The following CADPS2 variants were observed in gnomAD, a reference collection of about 807,000 sequenced individuals.
CADPS2 encodes calcium-dependent secretion activator 2.
In CADPS2, 93 loss-of-function variants were observed where a neutral mutation model predicts 172.5. That is an observed-to-expected ratio of 0.54 (90% CI 0.46 to 0.64). CADPS2 has a LOEUF of 0.64. Ranked by LOEUF, CADPS2 falls within the 30% of genes least tolerant of loss-of-function variation. The probability of loss-of-function intolerance (pLI) is 0.00; values close to 1 mark genes in which losing one functional copy is unlikely to be tolerated. For missense variants in CADPS2, 1,420 were observed against 1,565.9 expected (o/e 0.91, Z 1.57); for synonymous variants, 546 against 555.2 (o/e 0.98, Z 0.23).
At chr7:122,754,356 G>A (rs908050404) in intron 1 of CADPS2, among the ~76,000 whole-genome samples, 10 of 152,064 alleles carry the variant, frequency 6.6e-5, no homozygotes, top group African/African-American at 2.4e-4. Flanking sequence ...TGATAAATAA[G>A]TTAGAAAAAT....
At chr7:122,871,649 C>T (rs961960164) in intron 1 of CADPS2, among the ~76,000 whole-genome samples, 1 of 152,028 alleles carries the variant, frequency 6.6e-6, no homozygotes, top group Admixed American at 6.6e-5. Context: ...GAAATAGAAC[C>T]TAAAATGAGT....
At chr7:122,873,713 A>G (rs887636171) in intron 1 of CADPS2, among the ~76,000 whole-genome samples, 1 of 152,148 alleles carries the variant, frequency 6.6e-6, no homozygotes, top group African/African-American at 2.4e-5. Context: ...GTCAAATGGT[A>G]TTTCTGGTTC....
intron 2 of CADPS2, among the ~76,000 whole-genome samples, chr7:122,681,920 T>G (rs2083091673): frequency 1.3e-5 from 2 of 152,074 alleles, no homozygotes; most frequent in Non-Finnish European, 2.9e-5. Context: ...AAAGCTTTTT[T>G]TTTTGTTTGC....
At chr7:122,571,036 T>C (rs1219365782) in intron 7 of CADPS2, among the ~76,000 whole-genome samples, 1 of 151,720 alleles carries the variant, frequency 6.6e-6, no homozygotes, top group Non-Finnish European at 1.5e-5. Flanking sequence ...AGTATAATAA[T>C]AATAAAAAAA....
At chr7:122,639,944 T>A (rs528662234) in intron 3 of CADPS2, among the ~76,000 whole-genome samples, 1 of 152,276 alleles carries the variant, frequency 6.6e-6, no homozygotes, top group South Asian at 2.1e-4. Context: ...ACGAAACTCT[T>A]GCAGGAGTTC....
At chr7:122,550,783 C>A (rs1437475455) in intron 8 of CADPS2, among the ~76,000 whole-genome samples, 7 of 151,142 alleles carry the variant, frequency 4.6e-5, no homozygotes, top group Non-Finnish European at 1.0e-4. Context: ...CACACACAAA[C>A]CAGGAAAATA....
At chr7:122,833,311 G>A (rs1477337924) in intron 1 of CADPS2, among the ~76,000 whole-genome samples, 1 of 152,104 alleles carries the variant, frequency 6.6e-6, no homozygotes, top group Admixed American at 6.6e-5. Context: ...ATCAATTCAA[G>A]AAAGAATTAA....
chr7:122,731,199 T>G (rs573937042), intron 2 of CADPS2, among the ~76,000 whole-genome samples: 1 of 151,754 alleles, frequency 6.6e-6, no homozygotes, highest in African/African-American at 2.4e-5. Flanking sequence ...GTAAGAAAAC[T>G]ATACATCCTT....
intron 9 of CADPS2, among the ~76,000 whole-genome samples, chr7:122,512,248 C>G (rs2060057480): frequency 6.6e-6 from 1 of 152,110 alleles, no homozygotes; most frequent in African/African-American, 2.4e-5. Flanking sequence ...CACTGGAAGA[C>G]AGCAAATGAT....
chr7:122,621,978 A>G (rs1209904680), intron 4 of CADPS2, among the ~76,000 whole-genome samples: 2 of 152,196 alleles, frequency 1.3e-5, no homozygotes, highest in Admixed American at 6.5e-5. Flanking sequence ...TTTATTTGTG[A>G]TAAGATTTGC....
intron 24 of CADPS2, among the ~76,000 whole-genome samples, chr7:122,383,303 TG>T (rs1424851765): frequency 6.6e-6 from 1 of 151,356 alleles, no homozygotes; most frequent in Non-Finnish European, 1.5e-5. Flanking sequence ...GACATAAACA[TG>T]GGAACAACAG....
At chr7:122,733,417 C>T (rs1321534947) in intron 2 of CADPS2, among the ~76,000 whole-genome samples, 6 of 151,790 alleles carry the variant, frequency 4.0e-5, no homozygotes. Context: ...AGAAATGGCT[C>T]TTTCATGGAA....
chr7:122,806,568 T>C (rs992681706), intron 1 of CADPS2, among the ~76,000 whole-genome samples: 1 of 152,222 alleles, frequency 6.6e-6, no homozygotes, highest in Admixed American at 6.5e-5. Context: ...TCCTGCCATC[T>C]ATTAACAACA....
chr7:122,785,525 G>T (rs1001205912), intron 1 of CADPS2, among the ~76,000 whole-genome samples: 2 of 152,018 alleles, frequency 1.3e-5, no homozygotes, highest in Non-Finnish European at 2.9e-5. Flanking sequence ...AGCCCTAAAG[G>T]GTCTGAATCT....
At chr7:122,397,265 C>A (rs1210991368) in intron 20 of CADPS2, among the ~76,000 whole-genome samples, 1 of 151,978 alleles carries the variant, frequency 6.6e-6, no homozygotes, top group Admixed American at 6.6e-5. Context: ...TACAAAAAAT[C>A]TTAAATTCTA....
chr7:122,716,923 T>C (rs1422683782), intron 2 of CADPS2, among the ~76,000 whole-genome samples: 3 of 152,114 alleles, frequency 2.0e-5, no homozygotes, highest in East Asian at 1.9e-4. Flanking sequence ...CTACTTGCAA[T>C]GTGAACATGA....
chr7:122,789,973 A>G (rs1794897523), intron 1 of CADPS2, among the ~76,000 whole-genome samples: 1 of 152,160 alleles, frequency 6.6e-6, no homozygotes, highest in African/African-American at 2.4e-5. Context: ...ACTAAGGGAA[A>G]GAAACATAAG....
In CADPS2 at chr7:122,679,276, G is replaced by GGGGGC. The variant is rs1564043184; in HGVS notation, c.454-15708_454-15707insGCCCC. On this transcript the variant is annotated intron_variant, in intron 2 of 29. Coordinates refer to ENST00000449022, the MANE Select transcript of CADPS2 (RefSeq NM_017954.11). ...AAAGAATGCATTCCTGGGGGGGGGG[G>GGGGGC]GCTCTAAAATGGCCACCCTGGGAGT... Among the ~76,000 whole-genome samples, 7 of 111,768 alleles carry GGGGGC rather than the reference G, an allele frequency of 6.3e-5. 2 individuals are homozygous for GGGGGC. Among genetic ancestry groups the GGGGGC allele is most frequent in the East Asian group, 7.1e-4 (2 of 2,832 alleles). The allele number at this position is 111,768 out of a possible 152,430, so 73.3% of individuals were successfully genotyped here.
At chr7:122,362,095 A>G (rs1246938950) in intron 25 of CADPS2, among the ~76,000 whole-genome samples, 1 of 152,070 alleles carries the variant, frequency 6.6e-6, no homozygotes, top group African/African-American at 2.4e-5. Context: ...ACAAAAACAA[A>G]AAACCAAAAA....
Sources: gnomAD v4.1 joint callset for allele counts (sites outside exome capture counted in the v4.1 genomes callset) on GRCh38, gnomAD v4.1.1 for gene constraint, MANE v1.5 for transcripts, NCBI Gene and HGNC (gene_info 2026-07-23, HGNC 2026-07-21) for gene names.